The following KCNMA1 variants were observed in gnomAD, a reference collection of about 807,000 sequenced individuals.
KCNMA1 encodes the protein potassium calcium-activated channel subfamily M alpha 1, also known as Calcium-activated potassium channel subunit alpha-1.
A neutral mutation model predicts 140.0 loss-of-function variants in KCNMA1; 29 were observed. The observed-to-expected ratio is 0.21, with a 90% CI of 0.15 to 0.28. The LOEUF is 0.28. Ranked by LOEUF, KCNMA1 falls within the 10% of genes least tolerant of loss-of-function variation. The probability of loss-of-function intolerance (pLI) is 1.00; values close to 1 mark genes in which losing one functional copy is unlikely to be tolerated. For missense variants in KCNMA1, 880 were observed against 1,602.2 expected, an observed-to-expected ratio of 0.55 and a Z score of 7.70; for synonymous variants, 612 against 611.9, an observed-to-expected ratio of 1.00 and a Z score of 0.00.
At chr10:77,563,536 C>G (rs1056458416) in intron 1 of KCNMA1, among the ~76,000 whole-genome samples, 1 of 152,126 alleles carries the variant, frequency 6.6e-6, no homozygotes, top group African/African-American at 2.4e-5. Flanking sequence ...TCTACCCCGT[C>G]CCTCCCAGCC....
chr10:77,037,507 C>G (rs1475029484), intron 15 of KCNMA1, among the ~76,000 whole-genome samples: 1 of 152,116 alleles, frequency 6.6e-6, no homozygotes, highest in African/African-American at 2.4e-5. Flanking sequence ...GGGAGCAGTC[C>G]TGACCCTTCA....
chr10:77,313,964 A>C (rs1433622887), intron 2 of KCNMA1: 2 of 152,176 alleles, frequency 1.3e-5, no homozygotes, highest in Non-Finnish European at 2.9e-5. Context: ...GTGGACCATG[A>C]GATCAGTTTC....
At chr10:76,899,615 C>T (rs1034210565) in intron 25 of KCNMA1, among the ~76,000 whole-genome samples, 5 of 152,072 alleles carry the variant, frequency 3.3e-5, no homozygotes, top group African/African-American at 1.2e-4. Context: ...GACTATGTGG[C>T]CCTCAAAGGC....
At chr10:77,377,074 G>C (rs1331539008) in intron 2 of KCNMA1, among the ~76,000 whole-genome samples, 1 of 152,164 alleles carries the variant, frequency 6.6e-6, no homozygotes, top group Non-Finnish European at 1.5e-5. Flanking sequence ...GTAAGGAGAA[G>C]AGCCTGCGCC....
In KCNMA1 at chr10:77,084,723, A is replaced by G; in HGVS notation, c.1441-4T>C. On this transcript the variant is annotated splice_region_variant and splice_polypyrimidine_tract_variant and intron_variant, in intron 11 of 27. Coordinates refer to ENST00000286628, the MANE Select transcript of KCNMA1 (RefSeq NM_001161352.2). ...GGCATGCATCTGCTGACTCTATCTA[A>G]GACACCGAAAGGAAAATTCACAGAA... 1 of 1,608,586 alleles carries G rather than the reference A, an allele frequency of 6.2e-7. No individual in the cohort carries two copies. The highest frequency in any genetic ancestry group is 8.5e-7 in the Non-Finnish European group (1 of 1,175,062).
chr10:77,075,934 G>C (rs2096380917), intron 13 of KCNMA1, among the ~76,000 whole-genome samples: 1 of 152,200 alleles, frequency 6.6e-6, no homozygotes, highest in Non-Finnish European at 1.5e-5. Context: ...CTAACTTGGA[G>C]AATATAAAGA....
intron 1 of KCNMA1, among the ~76,000 whole-genome samples, chr10:77,526,644 G>A (rs2055796839): frequency 6.6e-6 from 1 of 152,198 alleles, no homozygotes; most frequent in African/African-American, 2.4e-5. Flanking sequence ...TCAATTCAAA[G>A]AGCAGCAGAA....
chr10:76,885,991 T>A lies in KCNMA1; in HGVS notation c.*1275A>T. The A allele has an allele frequency of 1.0e-6, 1 of 985,466 alleles. No individual in the cohort carries two copies. The highest frequency in any genetic ancestry group is 1.2e-6 in the Non-Finnish European group (1 of 829,938). The allele number at this position is 985,466 out of a possible 1,614,324, so 61.0% of individuals were successfully genotyped here. On this transcript the variant is annotated 3_prime_UTR_variant, in exon 28 of 28. Coordinates refer to ENST00000286628, the MANE Select transcript of KCNMA1 (RefSeq NM_001161352.2). ...AAATTGGCTACATTAAAGAAAGTGA[T>A]GATGAGGAATTCCTTCCCACCAGCT...
At chr10:77,051,262 C>T (rs2095354344) in intron 14 of KCNMA1, among the ~76,000 whole-genome samples, 2 of 152,056 alleles carry the variant, frequency 1.3e-5, no homozygotes, top group Non-Finnish European at 1.5e-5. Flanking sequence ...CTAATAAAGT[C>T]GCGCCAAAGA....
In KCNMA1 at chr10:76,885,836, A is replaced by C; in HGVS notation, c.*1430T>G. ...TCTCCTCTCATGCTTACTAAGTGTT[A>C]AAAAAGAAAGAAAACAAAAGAAGAA... On this transcript the variant is annotated 3_prime_UTR_variant, in exon 28 of 28. Coordinates refer to ENST00000286628, the MANE Select transcript of KCNMA1 (RefSeq NM_001161352.2). The C allele has an allele frequency of 6.1e-6, 6 of 985,088 alleles. No individual in the cohort carries two copies. The highest frequency in any genetic ancestry group is 7.2e-6 in the Non-Finnish European group (6 of 829,624). 61.0% of individuals were successfully genotyped at this position (985,088 alleles called of 1,614,324 possible).
At chr10:76,957,178 A>G (rs2068731105) in intron 20 of KCNMA1, among the ~76,000 whole-genome samples, 1 of 151,906 alleles carries the variant, frequency 6.6e-6, no homozygotes, top group East Asian at 1.9e-4. Context: ...AACCATGAGA[A>G]ATGAAGAGGA....
intron 5 of KCNMA1, among the ~76,000 whole-genome samples, chr10:77,135,053 GAGACAACCTAC>G (rs1201713634): frequency 1.8e-5 from 2 of 112,790 alleles, no homozygotes; most frequent in African/African-American, 6.5e-5. Context: ...ACGGAGTGAA[GAGACAACCTAC>G]AGAATGGGAG....
chr10:77,363,485 C>T (rs2094137866), intron 2 of KCNMA1, among the ~76,000 whole-genome samples: 1 of 152,248 alleles, frequency 6.6e-6, no homozygotes, highest in South Asian at 2.1e-4. Flanking sequence ...ATGGCATTTG[C>T]ACCCTTAGTA....
intron 13 of KCNMA1, chr10:77,078,131 G>A (rs1208122804): frequency 6.6e-6 from 1 of 152,268 alleles, no homozygotes; most frequent in Non-Finnish European, 1.5e-5. Context: ...GCAGAATGGG[G>A]TTTTTCTCTG....
chr10:77,600,830 A>G (rs2082403581), intron 1 of KCNMA1, among the ~76,000 whole-genome samples: 1 of 152,144 alleles, frequency 6.6e-6, no homozygotes, highest in South Asian at 2.1e-4. Flanking sequence ...GTTCAAGGTC[A>G]CATAGTCAGT....
intron 1 of KCNMA1, among the ~76,000 whole-genome samples, chr10:77,547,080 A>G (rs1372164360): frequency 6.6e-6 from 1 of 152,228 alleles, no homozygotes. Flanking sequence ...AACCCAGCCC[A>G]GCCTGGATAA....
chr10:76,987,739 G>A (rs2081665948), intron 19 of KCNMA1, among the ~76,000 whole-genome samples: 1 of 152,196 alleles, frequency 6.6e-6, no homozygotes, highest in South Asian at 2.1e-4. Flanking sequence ...CGCTTCTAGA[G>A]AATTGTTAGA....
chr10:77,409,841 T>TACTCTGGA (rs1246699205), intron 1 of KCNMA1, among the ~76,000 whole-genome samples: 2 of 152,156 alleles, frequency 1.3e-5, no homozygotes, highest in Non-Finnish European at 2.9e-5. Flanking sequence ...CTGGACCAAG[T>TACTCTGGA]CCAACTTTTC....
At chr10:77,488,866 A>G (rs2098496391) in intron 1 of KCNMA1, among the ~76,000 whole-genome samples, 1 of 152,222 alleles carries the variant, frequency 6.6e-6, no homozygotes, top group African/African-American at 2.4e-5. Context: ...ACCTGCTGAC[A>G]CTTCATTTAA....
Sources: allele counts gnomAD v4.1 joint callset (sites outside exome capture counted in the v4.1 genomes callset), GRCh38; gene constraint gnomAD v4.1.1; transcripts MANE v1.5; gene names NCBI Gene and HGNC (gene_info 2026-07-23, HGNC 2026-07-21).